EYS: variants seen among roughly 807,000 people sequenced by gnomAD.
EYS encodes the protein protein eyes shut homolog.
Under a neutral mutation model 282.1 loss-of-function variants are expected in EYS, and 250 were observed. The ratio of observed to expected loss-of-function variants is 0.89; its 90% CI spans 0.80 to 0.98. EYS has a LOEUF of 0.98. Among genes scored for constraint, EYS ranks in the 50% least tolerant of loss-of-function variants. EYS has a pLI of 0.00. For missense variants in EYS, 4,016 were observed against 3,709.0 expected (o/e 1.08, Z -2.15); for synonymous variants, 1,355 against 1,282.9 (o/e 1.06, Z -1.20).
chr6:65,357,621 A>G (rs747714424), intron 8 of EYS, among the ~76,000 whole-genome samples: 1 of 152,028 alleles, frequency 6.6e-6, no homozygotes, highest in Non-Finnish European at 1.5e-5. Flanking sequence ...ATGGTGGATA[A>G]TATAAAACAA....
At chr6:65,378,285 A>T (rs75852140) in intron 8 of EYS, among the ~76,000 whole-genome samples, 3 of 152,172 alleles carry the variant, frequency 2.0e-5, no homozygotes, top group Non-Finnish European at 4.4e-5. Context: ...TATGAAAAAA[A>T]GCTCATCATC....
chr6:63,884,642 A>G (rs1773219616), intron 35 of EYS, among the ~76,000 whole-genome samples: 1 of 152,078 alleles, frequency 6.6e-6, no homozygotes, highest in Non-Finnish European at 1.5e-5. Context: ...AAATATAAAG[A>G]CCTCTTTAGT....
At chr6:63,951,887 C>T (rs2149766375) in intron 35 of EYS, among the ~76,000 whole-genome samples, 1 of 152,308 alleles carries the variant, frequency 6.6e-6, no homozygotes, top group East Asian at 1.9e-4. Flanking sequence ...TGCTTTACAG[C>T]CCTAGACTCT....
chr6:63,853,823 T>A (rs1428195625), intron 36 of EYS, among the ~76,000 whole-genome samples: 3 of 152,142 alleles, frequency 2.0e-5, no homozygotes, highest in Non-Finnish European at 2.9e-5. Flanking sequence ...CCTCAGATAT[T>A]ACACCACAGA....
chr6:65,368,944 A>G (rs1765021822), intron 8 of EYS, among the ~76,000 whole-genome samples: 1 of 151,516 alleles, frequency 6.6e-6, no homozygotes, highest in South Asian at 2.1e-4. Context: ...GTATGGTATT[A>G]TTGAAGCTAC....
At chr6:65,458,146 C>T (rs141996103) in intron 5 of EYS, among the ~76,000 whole-genome samples, 1 of 152,224 alleles carries the variant, frequency 6.6e-6, no homozygotes, top group Non-Finnish European at 1.5e-5. Context: ...AGGTTAGTTG[C>T]AACCTCCTAA....
chr6:65,567,799 A>G (rs1021521510), intron 2 of EYS, among the ~76,000 whole-genome samples: 7 of 152,104 alleles, frequency 4.6e-5, no homozygotes, highest in African/African-American at 1.7e-4. Context: ...TTATTCAAAT[A>G]CTGTCTTTGA....
At chr6:64,921,690 T>C (rs1239890457) in intron 15 of EYS, among the ~76,000 whole-genome samples, 1 of 152,194 alleles carries the variant, frequency 6.6e-6, no homozygotes, top group Non-Finnish European at 1.5e-5. Flanking sequence ...TTGTAAAGTA[T>C]GAAGTAAAGT....
intron 23 of EYS, among the ~76,000 whole-genome samples, chr6:64,618,102 T>G (rs1015395977): frequency 3.3e-5 from 5 of 152,188 alleles, no homozygotes; most frequent in African/African-American, 9.6e-5. Context: ...GAATTCTCAT[T>G]AAACATGACA....
chr6:64,707,792 T>C lies in EYS; in HGVS notation c.3444-81547A>G, dbSNP rs1771083126. Among the ~76,000 whole-genome samples the C allele has an allele frequency of 2.0e-5, 3 of 151,774 alleles. No individual in the cohort carries two copies. In the South Asian group the frequency reaches 6.2e-4, roughly 31 times the overall value. On this transcript the variant is annotated intron_variant, in intron 22 of 42. Transcript: ENST00000503581. ...ATCCCACTGGTTACACAAAACCTATTGAAATCAAAAAAGAAAACTAACTCT... is the reference window on the plus strand; with the variant it reads ...ATCCCACTGGTTACACAAAACCTATCGAAATCAAAAAAGAAAACTAACTCT...
chr6:64,646,553 C>T (rs1262252673), intron 22 of EYS, among the ~76,000 whole-genome samples: 2 of 152,012 alleles, frequency 1.3e-5, no homozygotes, highest in Non-Finnish European at 2.9e-5. Flanking sequence ...CCTGTAATCC[C>T]AGCACTTTGG....
intron 1 of EYS, among the ~76,000 whole-genome samples, chr6:65,661,143 C>T (rs2149825638): frequency 6.6e-6 from 1 of 151,982 alleles, no homozygotes; most frequent in Non-Finnish European, 1.5e-5. Flanking sequence ...AGATGGTCTT[C>T]CTTACCAAAG....
At chr6:64,467,365 T>C (rs1775958049) in intron 26 of EYS, among the ~76,000 whole-genome samples, 1 of 152,200 alleles carries the variant, frequency 6.6e-6, no homozygotes, top group Non-Finnish European at 1.5e-5. Context: ...AAAACTGATT[T>C]GACATAATTA....
intron 11 of EYS, among the ~76,000 whole-genome samples, chr6:65,313,611 T>C (rs9354222): frequency 0.55 from 82,223 of 150,668 alleles, 24,243 homozygotes; most frequent in East Asian, 0.9. Context: ...CTGTTCAAAC[T>C]ACCTAAATAA....
At chr6:65,370,067 G>A (rs938387535) in intron 8 of EYS, among the ~76,000 whole-genome samples, 12 of 151,602 alleles carry the variant, frequency 7.9e-5, no homozygotes, top group African/African-American at 2.9e-4. Context: ...GATGGTCACA[G>A]TATTTCTGTT....
chr6:63,933,120 A>G (rs1764946805), intron 35 of EYS, among the ~76,000 whole-genome samples: 1 of 152,240 alleles, frequency 6.6e-6, no homozygotes, highest in South Asian at 2.1e-4. Flanking sequence ...TGGAGCTTCC[A>G]TGCCCTGTCC....
At chr6:65,443,353 T>C (rs577952403) in intron 5 of EYS, among the ~76,000 whole-genome samples, 11 of 132,126 alleles carry the variant, frequency 8.3e-5, no homozygotes, top group African/African-American at 2.5e-4. Flanking sequence ...CATATAGACA[T>C]ATATGCATAC....
intron 35 of EYS, among the ~76,000 whole-genome samples, chr6:63,962,145 C>A (rs1376995979): frequency 6.6e-6 from 1 of 152,108 alleles, no homozygotes; most frequent in Non-Finnish European, 1.5e-5. Flanking sequence ...AGACCAAAAA[C>A]CATAAAAACC....
Position 65,207,962 on chromosome 6 carries a change from C to T in EYS, c.2023+87901G>A, listed in dbSNP as rs186147222. On this transcript the variant is annotated intron_variant, in intron 12 of 42. Transcript: ENST00000503581. ...AAAACCACATTGGCCTAAGCAAAGACTTTATGACTACTACCCTAAAAGCAA... is the reference window on the plus strand; with the variant it reads ...AAAACCACATTGGCCTAAGCAAAGATTTTATGACTACTACCCTAAAAGCAA... Among the ~76,000 whole-genome samples, 189 of 151,804 alleles carry T rather than the reference C, an allele frequency of 1.2e-3. 4 individuals are homozygous for T. In the South Asian group the frequency reaches 0.022, roughly 18 times the overall value.
Sources: gnomAD v4.1 joint callset for allele counts (sites outside exome capture counted in the v4.1 genomes callset) on GRCh38, gnomAD v4.1.1 for gene constraint, MANE v1.5 for transcripts, NCBI Gene and HGNC (gene_info 2026-07-23, HGNC 2026-07-21) for gene names.